HSD17B3: variants seen among roughly 807,000 people sequenced by gnomAD.
The protein encoded by HSD17B3 is hydroxysteroid 17-beta dehydrogenase 3.
Under a neutral mutation model 41.1 loss-of-function variants are expected in HSD17B3, and 29 were observed. That is an observed-to-expected ratio of 0.71 (90% CI 0.53 to 0.96). HSD17B3 has a LOEUF of 0.96. Among genes scored for constraint, HSD17B3 ranks in the 40% least tolerant of loss-of-function variants. The pLI, the probability that HSD17B3 is intolerant of heterozygous loss-of-function variation, is 0.00. For missense variants in HSD17B3, 323 were observed against 374.6 expected, an observed-to-expected ratio of 0.86 and a Z score of 1.14; for synonymous variants, 126 against 145.6, an observed-to-expected ratio of 0.87 and a Z score of 0.97.
intron 2 of HSD17B3, among the ~76,000 whole-genome samples, chr9:96,265,319 T>G (rs576581450): frequency 2.6e-4 from 39 of 152,384 alleles, no homozygotes; most frequent in Admixed American, 2.5e-3. Context: ...GCTTAAATGC[T>G]GTTCACTCAG....
chr9:96,251,622 A>G (rs558316246), intron 4 of HSD17B3, 137 bp from the exon 5 acceptor site: 19 of 777,688 alleles, frequency 2.4e-5, no homozygotes, highest in Admixed American at 1.2e-4. Context: ...ACTGGGGGGA[A>G]GTTTTTGTCC....
At chr9:96,275,666 A>C (rs1254120629) in intron 2 of HSD17B3, among the ~76,000 whole-genome samples, 1 of 152,186 alleles carries the variant, frequency 6.6e-6, no homozygotes, top group African/African-American at 2.4e-5. Context: ...ATGTAATTAA[A>C]TTGTTATCAA....
At chr9:96,250,115 G>A (rs1836835057) in intron 5 of HSD17B3, 7 of 1,317,760 alleles carry the variant, frequency 5.3e-6, no homozygotes, top group African/African-American at 1.5e-5. Flanking sequence ...GAGGAAGAGG[G>A]GTTAGCCTAT....
At chr9:96,288,292 G>C (rs901719164) in intron 2 of HSD17B3, among the ~76,000 whole-genome samples, 2 of 152,176 alleles carry the variant, frequency 1.3e-5, no homozygotes, top group African/African-American at 4.8e-5. Context: ...TCAAAAAGCT[G>C]TTCAAGATTA....
chr9:96,292,641 C>T (rs867871802), intron 2 of HSD17B3, among the ~76,000 whole-genome samples: 1 of 152,230 alleles, frequency 6.6e-6, no homozygotes, highest in Non-Finnish European at 1.5e-5. Flanking sequence ...AGCCACCACA[C>T]CGGGCCCAAA....
chr9:96,245,403 A>G lies in HSD17B3; in HGVS notation c.548T>C (p.Ile183Thr). 1 of 1,614,100 alleles carries G rather than the reference A, an allele frequency of 6.2e-7. No individual in the cohort carries two copies. Among genetic ancestry groups the G allele is most frequent in the Non-Finnish European group, 8.5e-7 (1 of 1,179,936 alleles). The change falls in exon 8 of 11, where the codon ATT becomes ACT. Residue 183 changes from isoleucine to threonine, a missense_variant. Ile to Thr is a moderately conservative substitution (Grantham distance 89). Coordinates refer to ENST00000375263, the MANE Select transcript of HSD17B3 (RefSeq NM_000197.2). Reference protein sequence around the residue: ...ESRQKGLILNISSGIALFPWP... With the variant: ...ESRQKGLILNTSSGIALFPWP... The stretch of plus-strand genomic sequence containing the variant: ...AGGAAACAGGGCTATCCCAGAAGAA[A>G]TGTTCAGGATGAGACCTTTCTGCCT...
chr9:96,287,869 CAAAA>C (rs35941200), intron 2 of HSD17B3, among the ~76,000 whole-genome samples: 1 of 116,074 alleles, frequency 8.6e-6, no homozygotes, highest in Non-Finnish European at 1.9e-5. Context: ...TCATAATAGC[CAAAA>C]AAAAAAAAAA....
chr9:96,266,107 A>G (rs1442607532), intron 2 of HSD17B3, among the ~76,000 whole-genome samples: 1 of 152,252 alleles, frequency 6.6e-6, no homozygotes, highest in Non-Finnish European at 1.5e-5. Flanking sequence ...AGATACAGGC[A>G]AGATTTAAAA....
intron 2 of HSD17B3, among the ~76,000 whole-genome samples, chr9:96,283,536 T>C (rs1477246253): frequency 6.6e-6 from 1 of 152,174 alleles, no homozygotes; most frequent in Non-Finnish European, 1.5e-5. Context: ...AAATATAAAA[T>C]AGTGTGTGGC....
rs1825537676 is a variant in HSD17B3 at position 96,254,176 on chromosome 9, A to G, written c.277+692T>C. On this transcript the variant is annotated intron_variant, in intron 3 of 10. Coordinates refer to ENST00000375263, the MANE Select transcript of HSD17B3 (RefSeq NM_000197.2). ...TCATCATAATAAAACATTATGATAT[A>G]AAAGTTGCCTCAGGGTTGTACAGTG... Among the ~76,000 whole-genome samples the G allele has an allele frequency of 2.0e-5, 3 of 152,348 alleles. No individual in the cohort carries two copies. In the East Asian group the frequency reaches 5.8e-4, roughly 29 times the overall value.
At chr9:96,272,259 C>T (rs1462899109) in intron 2 of HSD17B3, among the ~76,000 whole-genome samples, 2 of 149,870 alleles carry the variant, frequency 1.3e-5, no homozygotes, top group Non-Finnish European at 3.0e-5. Context: ...GTCCCAGCTA[C>T]TCAAGTACTC....
chr9:96,246,475 C>G, intron 7 of HSD17B3, 81 bp downstream of exon 7: 2 of 1,204,942 alleles, frequency 1.7e-6, no homozygotes, highest in East Asian at 2.3e-5. Context: ...CAGATGGACT[C>G]TGTGTCCCCA....
chr9:96,272,446 T>TATATATAA (rs34436322), intron 2 of HSD17B3, among the ~76,000 whole-genome samples: 59 of 85,774 alleles, frequency 6.9e-4, no homozygotes, highest in East Asian at 2.8e-3. Context: ...TATATATATA[T>TATATATAA]AAAATATATA....
chr9:96,241,961 A>AAAAGAAAGAAGG (rs1554692347), intron 9 of HSD17B3, among the ~76,000 whole-genome samples: 1 of 100,696 alleles, frequency 9.9e-6, no homozygotes, highest in Non-Finnish European at 1.9e-5. Flanking sequence ...AAAGAACAGA[A>AAAAGAAAGAAGG]AAAGAAAGAA....
chr9:96,289,855 C>G (rs940406036), intron 2 of HSD17B3, among the ~76,000 whole-genome samples: 17 of 152,140 alleles, frequency 1.1e-4, no homozygotes, highest in Admixed American at 6.6e-4. Context: ...GCTGCAAAAG[C>G]CTCCCTTTCC....
chr9:96,256,460 CCT>C (rs1564033669), intron 2 of HSD17B3: 2 of 151,706 alleles, frequency 1.3e-5, no homozygotes, highest in African/African-American at 2.4e-5. Context: ...ATGGTGAAAC[CCT>C]GTCTCTACTA....
chr9:96,298,961 G>A (rs1342309965), intron 1 of HSD17B3, among the ~76,000 whole-genome samples: 1 of 152,056 alleles, frequency 6.6e-6, no homozygotes, highest in African/African-American at 2.4e-5. Context: ...AAAGGCCTAT[G>A]GAAGGTAGGG....
chr9:96,288,575 G>A (rs1827018456), intron 2 of HSD17B3, among the ~76,000 whole-genome samples: 1 of 152,004 alleles, frequency 6.6e-6, no homozygotes, highest in Admixed American at 6.6e-5. Context: ...GAGGCCAGGA[G>A]TTCAAGACCA....
At chr9:96,293,001 T>C (rs1827211529) in intron 2 of HSD17B3, among the ~76,000 whole-genome samples, 2 of 152,170 alleles carry the variant, frequency 1.3e-5, no homozygotes, top group South Asian at 4.1e-4. Context: ...ACTAAGATAA[T>C]TTGTTGCCTG....
Sources: allele counts gnomAD v4.1 joint callset (sites outside exome capture counted in the v4.1 genomes callset), GRCh38; gene constraint gnomAD v4.1.1; transcripts MANE v1.5; gene names NCBI Gene and HGNC (gene_info 2026-07-23, HGNC 2026-07-21).